The following HMBOX1 variants were observed in gnomAD, a reference collection of about 807,000 sequenced individuals.
The protein encoded by HMBOX1 is homeobox-containing protein 1.
Under a neutral mutation model 54.5 loss-of-function variants are expected in HMBOX1, and 14 were observed. That is an observed-to-expected ratio of 0.26 (90% CI 0.17 to 0.40). The LOEUF (loss-of-function observed/expected upper bound fraction) is 0.40. Among genes scored for constraint, HMBOX1 ranks in the 10% least tolerant of loss-of-function variants. HMBOX1 has a pLI of 1.00. For missense variants in HMBOX1, 332 were observed against 514.4 expected (o/e 0.65, Z 3.43); for synonymous variants, 160 against 181.0 (o/e 0.88, Z 0.93).
At chr8:28,966,327 C>G (rs1472264552) in intron 2 of HMBOX1, among the ~76,000 whole-genome samples, 2 of 152,076 alleles carry the variant, frequency 1.3e-5, no homozygotes, top group East Asian at 3.9e-4. Context: ...TTTAATTGTT[C>G]TTTTATGCCT....
At chr8:28,941,895 C>A (rs1821485562) in intron 1 of HMBOX1, among the ~76,000 whole-genome samples, 1 of 152,198 alleles carries the variant, frequency 6.6e-6, no homozygotes, top group African/African-American at 2.4e-5. Flanking sequence ...ACAAACCCCC[C>A]AGCCCTTTCA....
At chr8:28,936,092 C>T (rs1002504842) in intron 1 of HMBOX1, among the ~76,000 whole-genome samples, 1 of 152,010 alleles carries the variant, frequency 6.6e-6, no homozygotes, top group African/African-American at 2.4e-5. Flanking sequence ...TTAATAGTTC[C>T]TCCCCTTGAA....
At chr8:29,041,820 C>G (rs7464814) in intron 6 of HMBOX1, among the ~76,000 whole-genome samples, 130,164 of 151,938 alleles carry the variant, frequency 0.86, 56,088 homozygotes, top group Middle Eastern at 0.91. Context: ...AGGTTGTTTG[C>G]GGGGGGACTT....
At chr8:29,000,218 GCTCT>G (rs1305777914) in intron 4 of HMBOX1, among the ~76,000 whole-genome samples, 2 of 152,132 alleles carry the variant, frequency 1.3e-5, no homozygotes, top group African/African-American at 4.8e-5. Flanking sequence ...TTGTCAAGGG[GCTCT>G]CTCTGTGTAT....
chr8:28,980,082 G>A lies in HMBOX1; in HGVS notation c.512G>A (p.Ser171Asn), dbSNP rs957227744. 2 of 1,612,866 alleles carry A rather than the reference G, an allele frequency of 1.2e-6. No individual in the cohort carries two copies. The highest frequency in any genetic ancestry group is 8.5e-7 in the Non-Finnish European group (1 of 1,178,874). Reference protein sequence around the residue: ...KVEELMRRDSSVIKEEIKAFL... With the variant: ...KVEELMRRDSNVIKEEIKAFL... ...TCTGTTTTTGTTAGGAGGGACAGCA[G>A]TGTGATAAAAGAGGAAATCAAAGCC... Residue 171 changes from serine to asparagine, a missense_variant, in exon 4 of 10, where the codon AGT becomes AAT. Physicochemically the swap from Ser to Asn is conservative, Grantham distance 46. Coordinates refer to ENST00000287701, the MANE Select transcript of HMBOX1 (RefSeq NM_001135726.3).
chr8:29,020,832 A>T (rs1276034456), intron 6 of HMBOX1, among the ~76,000 whole-genome samples: 1 of 152,216 alleles, frequency 6.6e-6, no homozygotes, highest in Non-Finnish European at 1.5e-5. Flanking sequence ...ATAAATACAT[A>T]TGCATAGACT....
At chr8:29,050,798 TG>T in intron 9 of HMBOX1, 1 of 529,130 alleles carries the variant, frequency 1.9e-6, no homozygotes, top group Non-Finnish European at 3.3e-6. Context: ...AAACATTTTT[TG>T]TGCTTTTTAC....
At chr8:29,039,110 A>G (rs555290291) in intron 6 of HMBOX1, among the ~76,000 whole-genome samples, 2 of 152,272 alleles carry the variant, frequency 1.3e-5, no homozygotes, top group African/African-American at 4.8e-5. Context: ...GCAGTACTGT[A>G]TTCATAAAAC....
At chr8:28,905,916 C>T (rs1405431434) in intron 1 of HMBOX1, among the ~76,000 whole-genome samples, 2 of 152,194 alleles carry the variant, frequency 1.3e-5, no homozygotes, top group Non-Finnish European at 2.9e-5. Context: ...TAACACATTT[C>T]CAATCTTTGT....
At chr8:29,004,880 G>C (rs1586420496) in intron 4 of HMBOX1, among the ~76,000 whole-genome samples, 1 of 152,194 alleles carries the variant, frequency 6.6e-6, no homozygotes, top group African/African-American at 2.4e-5. Flanking sequence ...GACCAAAGCA[G>C]CTCAAAGCAT....
chr8:28,892,302 A>AT (rs1427087621), intron 1 of HMBOX1, among the ~76,000 whole-genome samples: 2 of 152,118 alleles, frequency 1.3e-5, no homozygotes, highest in South Asian at 2.1e-4. Flanking sequence ...TGAATTCTAA[A>AT]TTTTTTTTCA....
chr8:28,930,096 G>A (rs1037185794), intron 1 of HMBOX1, among the ~76,000 whole-genome samples: 9 of 151,988 alleles, frequency 5.9e-5, no homozygotes, highest in Admixed American at 1.3e-4. Context: ...GACTGTCTTT[G>A]GAATGAGTGA....
chr8:28,973,876 G>A (rs967663252), intron 3 of HMBOX1, among the ~76,000 whole-genome samples: 13 of 130,960 alleles, frequency 9.9e-5, no homozygotes, highest in Non-Finnish European at 1.7e-4. Context: ...GTACAGTGGT[G>A]CAATCTTGGC....
chr8:29,032,134 G>A (rs1467529850), intron 6 of HMBOX1, among the ~76,000 whole-genome samples: 4 of 152,206 alleles, frequency 2.6e-5, no homozygotes, highest in Non-Finnish European at 5.9e-5. Context: ...CATCCTATTT[G>A]TATCTATGTG....
At chr8:28,935,977 A>G (rs1820339856) in intron 1 of HMBOX1, among the ~76,000 whole-genome samples, 1 of 152,072 alleles carries the variant, frequency 6.6e-6, no homozygotes. Flanking sequence ...CTAGAATTAC[A>G]TTGAGGGTCA....
At chr8:28,983,083 C>G (rs535097731) in intron 4 of HMBOX1, among the ~76,000 whole-genome samples, 1 of 152,196 alleles carries the variant, frequency 6.6e-6, no homozygotes, top group African/African-American at 2.4e-5. Context: ...TATTGTACCA[C>G]GTGGACCTTT....
At position 29,053,149 on chromosome 8, in the gene HMBOX1, A is replaced by G. The variant is rs1312750565; in HGVS notation, c.*1994A>G. 2.0e-5 allele frequency: 3 copies of G among 152,384 alleles called. No homozygotes were observed. The highest frequency in any genetic ancestry group is 4.4e-5 in the Non-Finnish European group (3 of 68,036). 9.4% of individuals were successfully genotyped at this position (152,384 alleles called of 1,614,324 possible). On this transcript the variant is annotated 3_prime_UTR_variant, in exon 10 of 10. Transcript: ENST00000287701. The stretch of plus-strand genomic sequence containing the variant: ...TGAGGAAAGTCTTTGAGAGGGCATG[A>G]AAGTGCCACCTTATATATGTCTGTG...
intron 8 of HMBOX1, 122 bp downstream of exon 8, chr8:29,047,575 T>A (rs2133377528): frequency 1.7e-6 from 1 of 571,950 alleles, no homozygotes; most frequent in East Asian, 3.1e-5. Context: ...TTTTTTTTTT[T>A]TTTTTTTTTG....
At chr8:29,038,963 C>G (rs1804382546) in intron 6 of HMBOX1, among the ~76,000 whole-genome samples, 1 of 152,160 alleles carries the variant, frequency 6.6e-6, no homozygotes, top group Non-Finnish European at 1.5e-5. Context: ...TAAGCTCTTT[C>G]ATGACTCTTT....
Sources: gnomAD v4.1 joint callset for allele counts (sites outside exome capture counted in the v4.1 genomes callset) on GRCh38, gnomAD v4.1.1 for gene constraint, MANE v1.5 for transcripts, NCBI Gene and HGNC (gene_info 2026-07-23, HGNC 2026-07-21) for gene names.